ATP1A2: variants seen among roughly 807,000 people sequenced by gnomAD.
The protein encoded by ATP1A2 is ATPase Na+/K+ transporting subunit alpha 2.
In ATP1A2, 56 loss-of-function variants were observed where a neutral mutation model predicts 113.1. The ratio of observed to expected loss-of-function variants is 0.49; its 90% confidence interval spans 0.40 to 0.62. ATP1A2 has a LOEUF of 0.62. Among genes scored for constraint, ATP1A2 ranks in the 20% least tolerant of loss-of-function variants. The pLI is 0.00. For missense variants in ATP1A2, 712 were observed against 1,357.8 expected, an observed-to-expected ratio of 0.52 and a Z score of 7.47; for synonymous variants, 490 against 526.8, an observed-to-expected ratio of 0.93 and a Z score of 0.96.
At chr1:160,122,420 G>GAAAAAAAAAAAAAA (rs112709297) in intron 3 of ATP1A2, among the ~76,000 whole-genome samples, 2 of 137,136 alleles carry the variant, frequency 1.5e-5, no homozygotes, top group Non-Finnish European at 1.5e-5. Flanking sequence ...ATGAATGAAT[G>GAAAAAAAAAAAAAA]AAAAAAAAAA....
chr1:160,139,610 C>T, intron 20 of ATP1A2, 30 bp from the exon 21 acceptor site: 1 of 1,601,150 alleles, frequency 6.2e-7, no homozygotes, highest in Non-Finnish European at 8.5e-7. Flanking sequence ...GATCCCCCTT[C>T]ACCTGCCACC....
chr1:160,130,864 A>T (rs1336426496), intron 13 of ATP1A2, among the ~76,000 whole-genome samples: 13 of 151,924 alleles, frequency 8.6e-5, no homozygotes, highest in Admixed American at 8.5e-4. Flanking sequence ...GTACCCTTCC[A>T]TTCTGATTTG....
At chr1:160,123,508 C>G (rs1651487133) in intron 4 of ATP1A2, 92 bp downstream of exon 4, 3 of 1,513,534 alleles carry the variant, frequency 2.0e-6, no homozygotes, top group Middle Eastern at 1.7e-4. Context: ...GAACAAGGCC[C>G]TCACATAACA....
rs750552372 is a variant in ATP1A2, at chr1:160,127,631, G to C, written c.828G>C (p.Glu276Asp). 6.2e-7 allele frequency: 1 copy of C among 1,614,126 alleles called. No homozygotes were observed. The highest frequency in any genetic ancestry group is 8.5e-7 in the Non-Finnish European group (1 of 1,180,052). ...TAGCTACTCTCGCCTCAGGCCTGGA[G>C]GTTGGGCGGACACCCATAGCAATGG... Reference protein sequence around the residue: ...GRIATLASGLEVGRTPIAMEI... With the variant: ...GRIATLASGLDVGRTPIAMEI... The change falls in exon 8 of 23, where the codon GAG becomes GAC. Residue 276 changes from glutamate to aspartate, a missense_variant. Glu to Asp is a conservative substitution (Grantham distance 45, BLOSUM62 2). Transcript: ENST00000361216.
rs1651946333 is a variant in ATP1A2, at chr1:160,136,330, G to A, written c.2523G>A (p.Leu841=). 6.2e-7 allele frequency: 1 copy of A among 1,614,076 alleles called. No individual in the cohort carries two copies. The highest frequency in any genetic ancestry group is 2.2e-5 in the East Asian group (1 of 44,892). Residue 841 remains leucine (L), a synonymous_variant, in exon 18 of 23, where the codon CTG becomes CTA. Coordinates refer to ENST00000361216, the MANE Select transcript of ATP1A2 (RefSeq NM_000702.4). The part of the protein sequence containing the change: ...RQPRNSQTDK[L]VNERLISMAY... Reference sequence around the variant, plus strand: ...CACGAAACTCCCAGACGGACAAGCTGGTGAATGAGAGGCTCATCAGCATGG... The same window carrying A: ...CACGAAACTCCCAGACGGACAAGCTAGTGAATGAGAGGCTCATCAGCATGG...
intron 20 of ATP1A2, among the ~76,000 whole-genome samples, chr1:160,137,467 G>A (rs901083157): frequency 6.6e-5 from 10 of 152,188 alleles, no homozygotes; most frequent in Non-Finnish European, 1.5e-5. Context: ...GTTCCAGCGT[G>A]CCAGGCACTG....
chr1:160,119,407 G>C (rs1651303288), intron 1 of ATP1A2, among the ~76,000 whole-genome samples: 1 of 152,100 alleles, frequency 6.6e-6, no homozygotes, highest in Non-Finnish European at 1.5e-5. Flanking sequence ...ATCCAGTGGA[G>C]AAATAGGCAC....
chr1:160,139,234 G>A (rs527917622), intron 20 of ATP1A2, among the ~76,000 whole-genome samples: 14 of 152,220 alleles, frequency 9.2e-5, no homozygotes, highest in South Asian at 2.1e-4. Context: ...ATGCTGAGAC[G>A]GTAGAAGACA....
rs770287459 is a variant in ATP1A2, at chr1:160,142,141, C to T, written c.*819C>T. On this transcript the variant is annotated 3_prime_UTR_variant, in exon 23 of 23. Transcript: ENST00000361216. Reference sequence around the variant, plus strand: ...CCAGAAATGCCACACTTGTGTGCCACAGAGTTCCCCGCTGACCCTTGGTTA... The same window carrying T: ...CCAGAAATGCCACACTTGTGTGCCATAGAGTTCCCCGCTGACCCTTGGTTA... The T allele has an allele frequency of 7.2e-5, 11 of 152,790 alleles. No homozygotes were observed. Among genetic ancestry groups the T allele is most frequent in the Non-Finnish European group, 1.3e-4 (9 of 68,524 alleles). The allele number at this position is 152,790 out of a possible 1,614,324, so 9.5% of individuals were successfully genotyped here. A position where few individuals can be genotyped will look rare whatever the true frequency, so the allele number is the denominator to read the frequency against.
At chr1:160,123,446 C>G (rs1162659327) in intron 4 of ATP1A2, 30 bp downstream of exon 4, 1 of 1,613,622 alleles carries the variant, frequency 6.2e-7, no homozygotes, top group Non-Finnish European at 8.5e-7. Context: ...CCGGGAACAG[C>G]CCGTGACTGT....
chr1:160,130,755 G>C (rs1347118927), intron 13 of ATP1A2, among the ~76,000 whole-genome samples, 158 bp downstream of exon 13: 1 of 152,226 alleles, frequency 6.6e-6, no homozygotes, highest in Non-Finnish European at 1.5e-5. Flanking sequence ...GCCCACCCCT[G>C]CCTTGGGGCA....
Position 160,135,398 on chromosome 1 carries a change from G to A in ATP1A2, c.2116-36G>A. The A allele has an allele frequency of 6.2e-7, 1 of 1,614,190 alleles. No homozygotes were observed. Among genetic ancestry groups the A allele is most frequent in the Non-Finnish European group, 8.5e-7 (1 of 1,180,034 alleles). ...GAGGCGAGGAGCCAGGCTTGGGAAGGGGTTTCGTCCTCAAGTGTGGCCGTC... is the reference window on the plus strand; with the variant it reads ...GAGGCGAGGAGCCAGGCTTGGGAAGAGGTTTCGTCCTCAAGTGTGGCCGTC... On this transcript the variant is annotated intron_variant, in intron 15 of 22. Transcript: ENST00000361216. This position sits in a 1 kb window ranked among gnomAD's most constrained non-coding sequence, Gnocchi z 6.3.
intron 7 of ATP1A2, among the ~76,000 whole-genome samples, chr1:160,126,613 C>G (rs1022887155): frequency 5.3e-5 from 8 of 152,076 alleles, no homozygotes; most frequent in Admixed American, 5.2e-4. Context: ...GGACTACAGG[C>G]GCGTGATACC....
intron 13 of ATP1A2, among the ~76,000 whole-genome samples, chr1:160,132,830 A>G (rs116694047): frequency 3.9e-4 from 60 of 152,266 alleles, no homozygotes; most frequent in African/African-American, 1.3e-3. Flanking sequence ...GGCTTATAGT[A>G]TGTTGTATTA....
chr1:160,127,467 T>A, intron 7 of ATP1A2, 85 bp from the exon 8 acceptor site: 2 of 1,596,360 alleles, frequency 1.3e-6, no homozygotes, highest in Non-Finnish European at 1.7e-6. Flanking sequence ...TATCCTGTGA[T>A]GATTTTCCTT....
chr1:160,120,879 C>T, intron 1 of ATP1A2, 27 bp from the exon 2 acceptor site: 2 of 1,484,100 alleles, frequency 1.3e-6, no homozygotes, highest in East Asian at 2.6e-5. Context: ...TCTTCCCTGA[C>T]TCTCTGGCTC....
rs558237808 is a variant in ATP1A2, at chr1:160,128,906, C to T, written c.1216+56C>T. On this transcript the variant is annotated intron_variant, in intron 9 of 22. Coordinates refer to ENST00000361216, the MANE Select transcript of ATP1A2 (RefSeq NM_000702.4). ...GATTAGAGGAGGCTGAGGGCAGTGG[C>T]GTGGTGGGGTGAGTGGTTGAGATAA... 7.6e-5 allele frequency: 122 copies of T among 1,608,202 alleles called. No individual in the cohort carries two copies. In the South Asian group the frequency reaches 1.2e-3, roughly 16 times the overall value.
At chr1:160,141,225 C>T (rs538374005) in intron 22 of ATP1A2, 69 bp from the exon 23 acceptor site, 2 of 1,598,736 alleles carry the variant, frequency 1.3e-6, no homozygotes, top group East Asian at 2.2e-5. Flanking sequence ...GACCCAAGCC[C>T]CTAGGAAATT....
At chr1:160,133,941 C>T (rs535976573) in intron 13 of ATP1A2, among the ~76,000 whole-genome samples, 2 of 152,142 alleles carry the variant, frequency 1.3e-5, no homozygotes, top group East Asian at 3.9e-4. Context: ...TCTCTCTAAC[C>T]CTCTGAACAT....
Sources: gnomAD v4.1 joint callset for allele counts (sites outside exome capture counted in the v4.1 genomes callset) on GRCh38, gnomAD v4.1.1 for gene constraint, Gnocchi (gnomAD v3.1) non-coding constraint, MANE v1.5 for transcripts, NCBI Gene and HGNC (gene_info 2026-07-23, HGNC 2026-07-21) for gene names.